Variants in BCHE observed in about 807,000 individuals in gnomAD.
The protein encoded by BCHE is cholinesterase.
Under a neutral mutation model 51.3 loss-of-function variants are expected in BCHE, and 48 were observed. That is an observed-to-expected ratio of 0.94 (90% CI 0.74 to 1.19). The LOEUF (loss-of-function observed/expected upper bound fraction) is 1.19. Ranked by LOEUF, BCHE falls within the 50% of genes most tolerant of loss-of-function variation. The probability of loss-of-function intolerance (pLI) is 0.00; values close to 1 mark genes in which losing one functional copy is unlikely to be tolerated. For synonymous variants in BCHE, 251 were observed against 238.0 expected, an observed-to-expected ratio of 1.05 and a Z score of -0.50; for missense variants, 847 against 708.2, an observed-to-expected ratio of 1.20 and a Z score of -2.23.
intron 2 of BCHE, among the ~76,000 whole-genome samples, chr3:165,820,146 A>C (rs1714459197): frequency 6.6e-6 from 1 of 152,082 alleles, no homozygotes; most frequent in African/African-American, 2.4e-5. Context: ...GAGTATTCTG[A>C]AATACTTGAT....
intron 3 of BCHE, among the ~76,000 whole-genome samples, chr3:165,776,925 C>T (rs985705154): frequency 6.6e-6 from 1 of 151,360 alleles, no homozygotes; most frequent in African/African-American, 2.4e-5. Context: ...ATCCATTGAC[C>T]TCAGCTGATG....
rs775752216 is a variant in BCHE at position 165,830,108 on chromosome 3, G to A, written c.926C>T (p.Pro309Leu). The change falls in exon 2 of 4, where the codon CCC (proline) becomes CTC (leucine). Residue 309 changes from proline to leucine, a missense_variant. Transcript: ENST00000264381. ...EILLNEAFVVPYGTPLSVNFG... is the reference protein window; with the variant it reads ...EILLNEAFVVLYGTPLSVNFG... ...GTTTACTGACAAAGGAGTCCCATAG[G>A]GGACAACAAATGCTTCATTCAGAAG... The A allele has an allele frequency of 6.3e-5, 101 of 1,613,630 alleles. No homozygotes were observed. The highest frequency in any genetic ancestry group is 7.9e-5 in the Non-Finnish European group (93 of 1,179,882).
intron 1 of BCHE, among the ~76,000 whole-genome samples, chr3:165,836,605 T>C (rs1385719450): frequency 1.3e-5 from 2 of 151,982 alleles, no homozygotes; most frequent in Non-Finnish European, 2.9e-5. Context: ...TTTTACAAGA[T>C]TATAGGATGA....
chr3:165,795,930 G>A (rs1490523490), intron 2 of BCHE, among the ~76,000 whole-genome samples: 1 of 151,922 alleles, frequency 6.6e-6, no homozygotes, highest in East Asian at 1.9e-4. Flanking sequence ...AAAAAAGAAG[G>A]GAAGAGAAAG....
Position 165,829,816 on chromosome 3 carries a change from A to G in BCHE, c.1218T>C (p.Asp406=). The G allele has an allele frequency of 1.2e-6, 2 of 1,613,882 alleles. No individual in the cohort carries two copies. The highest frequency in any genetic ancestry group is 1.7e-6 in the Non-Finnish European group (2 of 1,179,890). Reference sequence around the variant, plus strand: ...CACGGTAGTTTTCAGGTCTCTGATCATCTACCCAGTCTGTGTAATGAAAAA... The same window carrying G: ...CACGGTAGTTTTCAGGTCTCTGATCGTCTACCCAGTCTGTGTAATGAAAAA... ...SILFHYTDWV[D]DQRPENYREA... is the part of the protein sequence containing the mutation. The change falls in exon 2 of 4, where the codon GAT becomes GAC. Residue 406 remains aspartate (D), a synonymous_variant. Transcript: ENST00000264381.
At chr3:165,786,370 A>G (rs1311616044) in intron 2 of BCHE, 59 bp from the exon 3 acceptor site, 2 of 1,459,136 alleles carry the variant, frequency 1.4e-6, no homozygotes, top group Non-Finnish European at 1.9e-6. Context: ...ATTAAAAAGA[A>G]TATTGTTTTC....
chr3:165,821,443 A>G (rs1714512435), intron 2 of BCHE, among the ~76,000 whole-genome samples: 1 of 151,846 alleles, frequency 6.6e-6, no homozygotes, highest in African/African-American at 2.4e-5. Flanking sequence ...AATTAAAAAA[A>G]AAGAGAGAGA....
intron 3 of BCHE, among the ~76,000 whole-genome samples, chr3:165,777,209 T>C (rs1252241743): frequency 6.6e-6 from 1 of 151,954 alleles, no homozygotes; most frequent in African/African-American, 2.4e-5. Context: ...CTTTATTATT[T>C]CTTAAATAAA....
intron 1 of BCHE, among the ~76,000 whole-genome samples, chr3:165,836,948 A>G (rs1389321070): frequency 2.0e-5 from 3 of 152,188 alleles, no homozygotes; most frequent in African/African-American, 7.2e-5. Context: ...TTACTTTTAC[A>G]GAGAGATTCA....
chr3:165,809,974 G>C (rs949443982), intron 2 of BCHE, among the ~76,000 whole-genome samples: 2 of 152,124 alleles, frequency 1.3e-5, no homozygotes, highest in South Asian at 2.1e-4. Flanking sequence ...ACAGGGGTCA[G>C]TAGAATTTTA....
At chr3:165,816,978 TAAAC>T (rs1455777851) in intron 2 of BCHE, among the ~76,000 whole-genome samples, 1 of 152,148 alleles carries the variant, frequency 6.6e-6, no homozygotes, top group African/African-American at 2.4e-5. Flanking sequence ...AAATATGAAT[TAAAC>T]AATTTAATTT....
intron 2 of BCHE, among the ~76,000 whole-genome samples, chr3:165,787,212 T>G (rs937887069): frequency 1.3e-5 from 2 of 151,892 alleles, no homozygotes; most frequent in Non-Finnish European, 2.9e-5. Context: ...TGAGCTCATT[T>G]ATACCTTTAT....
At chr3:165,808,759 C>T (rs1056622739) in intron 2 of BCHE, among the ~76,000 whole-genome samples, 2 of 151,876 alleles carry the variant, frequency 1.3e-5, no homozygotes, top group Non-Finnish European at 2.9e-5. Context: ...AGAGCAAGAT[C>T]CTGTCTTTTC....
At chr3:165,795,266 G>T (rs1019279170) in intron 2 of BCHE, among the ~76,000 whole-genome samples, 4 of 152,122 alleles carry the variant, frequency 2.6e-5, no homozygotes, top group African/African-American at 9.7e-5. Context: ...CTGCTGATGA[G>T]GAGTCATTAT....
intron 2 of BCHE, among the ~76,000 whole-genome samples, chr3:165,817,183 A>C (rs1379314396): frequency 2.0e-5 from 3 of 152,002 alleles, no homozygotes; most frequent in Non-Finnish European, 4.4e-5. Context: ...TATATTCCAC[A>C]TCCAATATCT....
chr3:165,797,116 C>T (rs1232696314), intron 2 of BCHE, among the ~76,000 whole-genome samples: 2 of 150,476 alleles, frequency 1.3e-5, no homozygotes, highest in South Asian at 2.1e-4. Context: ...CCCTTCCTTC[C>T]TTCTTTCCCT....
chr3:165,812,450 G>T (rs1454727462), intron 2 of BCHE, among the ~76,000 whole-genome samples: 1 of 151,714 alleles, frequency 6.6e-6, no homozygotes, highest in Non-Finnish European at 1.5e-5. Context: ...GTTACACATA[G>T]GGAAACAATA....
chr3:165,822,924 G>A (rs1457990059), intron 2 of BCHE, among the ~76,000 whole-genome samples: 2 of 151,962 alleles, frequency 1.3e-5, no homozygotes, highest in African/African-American at 4.8e-5. Flanking sequence ...TCGCTATCAA[G>A]TTATTTCTTG....
chr3:165,787,080 A>T (rs1712983264), intron 2 of BCHE, among the ~76,000 whole-genome samples: 2 of 151,436 alleles, frequency 1.3e-5, no homozygotes, highest in Non-Finnish European at 3.0e-5. Context: ...TTTATTTTCC[A>T]ATTTTATGTG....
Sources: gnomAD v4.1 joint callset for allele counts (sites outside exome capture counted in the v4.1 genomes callset) on GRCh38, gnomAD v4.1.1 for gene constraint, MANE v1.5 for transcripts, NCBI Gene and HGNC (gene_info 2026-07-23, HGNC 2026-07-21) for gene names.